RABL6: variants seen among roughly 807,000 people sequenced by gnomAD.
RABL6 encodes rab-like protein 6.
Under a neutral mutation model 72.9 loss-of-function variants are expected in RABL6, and 28 were observed. The observed-to-expected ratio is 0.38, with a 90% CI of 0.28 to 0.53. The LOEUF (loss-of-function observed/expected upper bound fraction) is 0.53, where lower values mean the gene tolerates loss of function less well. Among genes scored for constraint, RABL6 ranks in the 20% least tolerant of loss-of-function variants. The probability of loss-of-function intolerance (pLI) is 0.80; values close to 1 mark genes in which losing one functional copy is unlikely to be tolerated. For synonymous variants in RABL6, 477 were observed against 421.2 expected (o/e 1.13, Z -1.62); for missense variants, 1,029 against 1,008.4 (o/e 1.02, Z -0.28).
In RABL6 at chr9:136,839,464, G is replaced by A. The variant is rs777597167; in HGVS notation, c.1736G>A (p.Gly579Glu). ...GATGACCCCGACTTTGAGAGCGAGG[G>A]ATCAGACACACAGCGCAGGGCGGTA... The part of the protein sequence containing the change: ...VMDDPDFESE[G>E]SDTQRRADDF... Residue 579 changes from glycine (G) to glutamate (E), a missense_variant, in exon 12 of 15, where the codon GGA (glycine) becomes GAA (glutamate). Around this residue, in one of 2 missense-constraint regions of RABL6, gnomAD observed 595 missense variants for 472.4 expected, o/e 1.26. Coordinates refer to ENST00000311502, the MANE Select transcript of RABL6 (RefSeq NM_024718.5). 1.9e-6 allele frequency: 3 copies of A among 1,612,490 alleles called. No individual in the cohort carries two copies.
At chr9:136,830,419 C>G (rs943423594) in intron 5 of RABL6, among the ~76,000 whole-genome samples, 1 of 152,250 alleles carries the variant, frequency 6.6e-6, no homozygotes, top group Non-Finnish European at 1.5e-5. Context: ...AAGGACTGAC[C>G]GCAGGCACCC....
In RABL6 at chr9:136,809,314, G is replaced by A. The variant is rs190887491; in HGVS notation, c.130+988G>A. On this transcript the variant is annotated intron_variant, in intron 1 of 14. Coordinates refer to ENST00000311502, the MANE Select transcript of RABL6 (RefSeq NM_024718.5). ...TGCACGGAGAGAGGCCGTAGTTCCT[G>A]GGGCTGGAGCTAGTCCAGGAGGACA... is the stretch of plus-strand genomic sequence containing the variant. 1.1e-3 allele frequency: 202 copies of A among 178,456 alleles called. No individual in the cohort carries two copies. The Middle Eastern group carries it at 0.015, about 14-fold the overall frequency. The allele number at this position is 178,456 out of a possible 1,614,324, so 11.1% of individuals were successfully genotyped here. A position where few individuals can be genotyped will look rare whatever the true frequency, so the allele number is the denominator to read the frequency against.
intron 1 of RABL6, among the ~76,000 whole-genome samples, chr9:136,811,684 G>A (rs1222001334): frequency 1.3e-5 from 2 of 152,026 alleles, no homozygotes; most frequent in Admixed American, 6.5e-5. Context: ...AGAGAGACAG[G>A]GTTTCACCAC....
chr9:136,837,294 C>T (rs1401681511), intron 8 of RABL6, 52 bp from the exon 9 acceptor site: 3 of 1,532,550 alleles, frequency 2.0e-6, no homozygotes, highest in Non-Finnish European at 1.8e-6. Flanking sequence ...CACCTGAGGG[C>T]CTCAGGGAGA....
chr9:136,839,539 C>G, intron 12 of RABL6, 53 bp downstream of exon 12: 1 of 1,575,646 alleles, frequency 6.3e-7, no homozygotes, highest in Non-Finnish European at 8.6e-7. Context: ...GGGTCCCTCC[C>G]ACAGGCCTGA....
intron 1 of RABL6, 118 bp from the exon 2 acceptor site, chr9:136,823,407 T>C (rs974253050): frequency 7.2e-7 from 1 of 1,385,258 alleles, no homozygotes; most frequent in Non-Finnish European, 9.8e-7. Flanking sequence ...GGTCTGATTC[T>C]AGCAAGAAAG....
intron 7 of RABL6, chr9:136,833,250 C>T (rs1228162921): frequency 3.5e-6 from 1 of 284,074 alleles, no homozygotes; most frequent in African/African-American, 2.9e-5. Context: ...TGAACCTCCT[C>T]GCCCTGGGCT....
chr9:136,819,544 A>G (rs2131169696), intron 1 of RABL6, among the ~76,000 whole-genome samples: 1 of 152,330 alleles, frequency 6.6e-6, no homozygotes, highest in Middle Eastern at 3.4e-3. Context: ...AGACACATCC[A>G]AAACATAATG....
chr9:136,831,572 T>G, intron 5 of RABL6, 149 bp from the exon 6 acceptor site: 1 of 1,162,758 alleles, frequency 8.6e-7, no homozygotes, highest in South Asian at 1.4e-5. Flanking sequence ...TCCCTCTAGC[T>G]CTGCATGCAC....
At chr9:136,829,885 C>T (rs1219502045) in intron 5 of RABL6, among the ~76,000 whole-genome samples, 1 of 152,216 alleles carries the variant, frequency 6.6e-6, no homozygotes, top group East Asian at 1.9e-4. Flanking sequence ...AAGATGACAG[C>T]GAAATCAGCT....
intron 7 of RABL6, chr9:136,834,199 A>C: frequency 8.1e-7 from 1 of 1,235,818 alleles, no homozygotes; most frequent in Admixed American, 3.9e-5. Context: ...AAAATATTTC[A>C]AACACATCTC....
chr9:136,839,186 A>C, intron 11 of RABL6, 36 bp from the exon 12 acceptor site: 1 of 1,598,246 alleles, frequency 6.3e-7, no homozygotes, highest in South Asian at 1.1e-5. Context: ...GGACGCCTCC[A>C]GAGGACCCTG....
chr9:136,816,713 T>A (rs1372919365), intron 1 of RABL6, among the ~76,000 whole-genome samples: 1 of 125,738 alleles, frequency 8.0e-6, no homozygotes, highest in African/African-American at 3.0e-5. Context: ...TGAGACTCTG[T>A]CTCAAAAAAA....
intron 8 of RABL6, 110 bp downstream of exon 8, chr9:136,835,955 G>A: frequency 9.1e-7 from 1 of 1,097,240 alleles, no homozygotes; most frequent in South Asian, 1.4e-5. Flanking sequence ...TCCCCTGTTT[G>A]GGGTAAATTA....
intron 1 of RABL6, among the ~76,000 whole-genome samples, chr9:136,812,342 A>C (rs1307528828): frequency 1.3e-5 from 2 of 152,080 alleles, no homozygotes; most frequent in African/African-American, 4.8e-5. Flanking sequence ...GGCGGATTAC[A>C]TGAGGTCAGG....
intron 1 of RABL6, chr9:136,809,958 C>T (rs1462183459): frequency 2.0e-5 from 3 of 152,578 alleles, no homozygotes; most frequent in African/African-American, 7.2e-5. Context: ...AGTCACGTGA[C>T]TGGAACGTGC....
At chr9:136,821,914 C>T (rs1333192801) in intron 1 of RABL6, 6 of 1,285,208 alleles carry the variant, frequency 4.7e-6, no homozygotes, top group Non-Finnish European at 5.1e-6. Context: ...GTGAGGGCGC[C>T]TGGGTCCCCT....
chr9:136,819,637 C>A (rs370893698), intron 1 of RABL6, among the ~76,000 whole-genome samples: 244 of 152,252 alleles, frequency 1.6e-3, no homozygotes, highest in African/African-American at 5.7e-3. Context: ...AGCTATAGTC[C>A]TAGTGCTACA....
chr9:136,821,503 G>A (rs2131172939), intron 1 of RABL6: 1 of 985,360 alleles, frequency 1.0e-6, no homozygotes. Flanking sequence ...CGGGCCCAGC[G>A]AGGCTATGCG....
Sources: allele counts gnomAD v4.1 joint callset (sites outside exome capture counted in the v4.1 genomes callset), GRCh38; gene constraint gnomAD v4.1.1; regional missense constraint gnomAD v4.1.1; transcripts MANE v1.5; gene names NCBI Gene and HGNC (gene_info 2026-07-23, HGNC 2026-07-21).